The following DPYD variants were observed in gnomAD, a reference collection of about 807,000 sequenced individuals.
DPYD encodes dihydropyrimidine dehydrogenase [NADP(+)].
In DPYD, 109 loss-of-function variants were observed where a neutral mutation model predicts 116.2. The ratio of observed to expected loss-of-function variants is 0.94; its 90% CI spans 0.80 to 1.10. The LOEUF is 1.10. DPYD is among the 50% of genes least tolerant of loss of function. The probability of loss-of-function intolerance (pLI) is 0.00; values close to 1 mark genes in which losing one functional copy is unlikely to be tolerated. For missense variants in DPYD, 1,302 were observed against 1,254.5 expected (o/e 1.04, Z -0.57); for synonymous variants, 440 against 432.0 (o/e 1.02, Z -0.23).
chr1:97,595,035 A>C (rs779047090), intron 9 of DPYD, 24 bp downstream of exon 9: 1 of 1,521,866 alleles, frequency 6.6e-7, no homozygotes, highest in Non-Finnish European at 9.1e-7. Context: ...CTCACTATTA[A>C]GCATAAAAGA....
chr1:97,640,078 T>C (rs2100815227), intron 8 of DPYD, among the ~76,000 whole-genome samples: 1 of 152,278 alleles, frequency 6.6e-6, no homozygotes, highest in Middle Eastern at 3.4e-3. Flanking sequence ...ATCTGTCTAG[T>C]CTTCATATAT....
chr1:97,828,313 T>C (rs551674752), intron 2 of DPYD, 117 bp from the exon 3 acceptor site: 3 of 859,572 alleles, frequency 3.5e-6, no homozygotes, highest in East Asian at 5.4e-5. Context: ...AAAATATGCA[T>C]ACCACTTTAA....
chr1:97,690,719 T>C (rs908636875), intron 7 of DPYD, among the ~76,000 whole-genome samples: 1 of 152,082 alleles, frequency 6.6e-6, no homozygotes, highest in Non-Finnish European at 1.5e-5. Context: ...CTCTAAATTA[T>C]CTATTTTGAA....
intron 16 of DPYD, among the ~76,000 whole-genome samples, chr1:97,372,772 G>A (rs972023690): frequency 1.3e-5 from 2 of 151,388 alleles, no homozygotes; most frequent in Non-Finnish European, 2.9e-5. Flanking sequence ...GACCTACTAA[G>A]TACAAGATCC....
chr1:97,280,598 T>C (rs1031630418), intron 18 of DPYD, among the ~76,000 whole-genome samples: 11 of 152,174 alleles, frequency 7.2e-5, no homozygotes, highest in Admixed American at 6.5e-5. Context: ...GCAACATGGA[T>C]GAACCTGCAG....
At chr1:97,739,780 C>G (rs1227883368) in intron 4 of DPYD, among the ~76,000 whole-genome samples, 1 of 151,966 alleles carries the variant, frequency 6.6e-6, no homozygotes, top group Non-Finnish European at 1.5e-5. Flanking sequence ...TTCAATCAAT[C>G]AACCATTCAC....
chr1:97,173,222 GT>G (rs1282404477), intron 20 of DPYD, among the ~76,000 whole-genome samples: 1 of 96,326 alleles, frequency 1.0e-5, no homozygotes, highest in Non-Finnish European at 2.5e-5. Context: ...ACACATATAC[GT>G]ACATATATGC....
chr1:97,810,799 T>G (rs983834001), intron 3 of DPYD, among the ~76,000 whole-genome samples: 2 of 152,132 alleles, frequency 1.3e-5, no homozygotes, highest in African/African-American at 4.8e-5. Flanking sequence ...GCTTAATTAT[T>G]TTACATACTT....
chr1:97,900,291 G>A (rs1673296236), intron 1 of DPYD, among the ~76,000 whole-genome samples: 1 of 151,784 alleles, frequency 6.6e-6, no homozygotes, highest in African/African-American at 2.4e-5. Flanking sequence ...TCTTTTACAT[G>A]AGGAATAAAT....
intron 20 of DPYD, among the ~76,000 whole-genome samples, chr1:97,130,177 G>C (rs760570947): frequency 6.6e-5 from 10 of 152,088 alleles, no homozygotes; most frequent in Non-Finnish European, 1.3e-4. Flanking sequence ...TTATTTCTAG[G>C]TGTTCTAAAT....
intron 11 of DPYD, among the ~76,000 whole-genome samples, chr1:97,566,947 T>C (rs1338097749): frequency 6.6e-6 from 1 of 152,202 alleles, no homozygotes; most frequent in Non-Finnish European, 1.5e-5. Context: ...ATTCCAGGTC[T>C]TTTAAAACAT....
chr1:97,850,487 G>T (rs1461620290), intron 2 of DPYD, among the ~76,000 whole-genome samples: 1 of 151,962 alleles, frequency 6.6e-6, no homozygotes, highest in Non-Finnish European at 1.5e-5. Flanking sequence ...GAACTATTTG[G>T]TCCTTTGATT....
chr1:97,738,233 C>T (rs1276612598), intron 4 of DPYD, among the ~76,000 whole-genome samples: 2 of 152,110 alleles, frequency 1.3e-5, no homozygotes, highest in East Asian at 3.9e-4. Context: ...GAAATATAAC[C>T]CAGGATTCAC....
intron 8 of DPYD, among the ~76,000 whole-genome samples, chr1:97,618,039 G>A (rs1001690608): frequency 6.6e-6 from 1 of 152,152 alleles, no homozygotes; most frequent in Non-Finnish European, 1.5e-5. Flanking sequence ...AAATGGGCAA[G>A]TATGTAGAGA....
chr1:97,663,247 AT>A (rs1259709413), intron 8 of DPYD, among the ~76,000 whole-genome samples: 1 of 152,176 alleles, frequency 6.6e-6, no homozygotes, highest in Non-Finnish European at 1.5e-5. Context: ...GTCACAAGGA[AT>A]CTCAAACGTA....
intron 3 of DPYD, among the ~76,000 whole-genome samples, chr1:97,778,170 A>AAAGAAAG (rs1666524876): frequency 1.1e-5 from 1 of 88,630 alleles, no homozygotes; most frequent in African/African-American, 4.3e-5. Context: ...AAAAAAAAAA[A>AAAGAAAG]AAAGAAAGAA....
At chr1:97,769,289 C>T (rs552675399) in intron 3 of DPYD, among the ~76,000 whole-genome samples, 1 of 152,002 alleles carries the variant, frequency 6.6e-6, no homozygotes. Context: ...ACATTTTTTT[C>T]TAAGGCAATG....
intron 13 of DPYD, among the ~76,000 whole-genome samples, chr1:97,466,540 G>A (rs1677332747): frequency 6.6e-6 from 1 of 151,914 alleles, no homozygotes; most frequent in African/African-American, 2.4e-5. Context: ...ATCTCCAAAT[G>A]ATAGCTGATA....
intron 20 of DPYD, among the ~76,000 whole-genome samples, chr1:97,173,951 T>A (rs2101781401): frequency 6.6e-6 from 1 of 151,408 alleles, no homozygotes; most frequent in Non-Finnish European, 1.5e-5. Flanking sequence ...GCACAAAGTG[T>A]ACCCAGAGTG....
Sources: gnomAD v4.1 joint callset for allele counts (sites outside exome capture counted in the v4.1 genomes callset) on GRCh38, gnomAD v4.1.1 for gene constraint, MANE v1.5 for transcripts, NCBI Gene and HGNC (gene_info 2026-07-23, HGNC 2026-07-21) for gene names.